GRAMD4: variants seen among roughly 807,000 people sequenced by gnomAD.
GRAMD4 encodes the protein GRAM domain containing 4.
GRAMD4 carries 25 observed loss-of-function variants against 83.9 expected under a neutral mutation model. The ratio of observed to expected loss-of-function variants is 0.30; its 90% confidence interval spans 0.22 to 0.42. GRAMD4 has a LOEUF of 0.42. GRAMD4 is among the 10% of genes least tolerant of loss of function. The pLI, the probability that GRAMD4 is intolerant of heterozygous loss-of-function variation, is 1.00. For synonymous variants in GRAMD4, 336 were observed against 320.9 expected (o/e 1.05, Z -0.50); for missense variants, 593 against 788.7 (o/e 0.75, Z 2.97).
At chr22:46,602,764 T>TTTTC (rs1442869953) in intron 1 of GRAMD4, among the ~76,000 whole-genome samples, 1 of 145,234 alleles carries the variant, frequency 6.9e-6, no homozygotes, top group Non-Finnish European at 1.5e-5. Flanking sequence ...ATTTTTCTCT[T>TTTTC]TTTTTTTTTT....
chr22:46,669,013 G>A, intron 13 of GRAMD4, 105 bp downstream of exon 13: 1 of 680,838 alleles, frequency 1.5e-6, no homozygotes, highest in Admixed American at 2.4e-5. Context: ...AACTCACCTG[G>A]CGATCCTTCC....
At chr22:46,644,521 C>G (rs1409782440) in intron 3 of GRAMD4, among the ~76,000 whole-genome samples, 1 of 151,850 alleles carries the variant, frequency 6.6e-6, no homozygotes, top group Admixed American at 6.6e-5. Flanking sequence ...TGCCCCTGTT[C>G]CGTGTTACAC....
intron 1 of GRAMD4, among the ~76,000 whole-genome samples, chr22:46,582,828 C>T (rs930182661): frequency 6.6e-6 from 1 of 152,238 alleles, no homozygotes; most frequent in Admixed American, 6.5e-5. Context: ...AGTTGTGCAG[C>T]CATCACCACA....
Position 46,666,828 on chromosome 22 carries a change from G to T in GRAMD4, c.813G>T (p.Gly271=), listed in dbSNP as rs746644412. 6.2e-7 allele frequency: 1 copy of T among 1,610,750 alleles called. No individual in the cohort carries two copies. The highest frequency in any genetic ancestry group is 8.5e-7 in the Non-Finnish European group (1 of 1,178,298). The change falls in exon 10 of 19, where the codon GGG becomes GGT. Residue 271 remains glycine, a synonymous_variant. Transcript: ENST00000406902. ...RLSLNYLIAR[G]WRIQWSIVPE... is the part of the protein sequence containing the mutation. The stretch of plus-strand genomic sequence containing the variant: ...GTGTGTGTTTTCTGTTCGCCAGGGG[G>T]TGGCGGATACAGTGGAGCATCGTGC...
intron 1 of GRAMD4, among the ~76,000 whole-genome samples, chr22:46,579,970 G>A (rs1455308091): frequency 2.0e-5 from 3 of 152,154 alleles, no homozygotes; most frequent in Non-Finnish European, 4.4e-5. Flanking sequence ...AAGACACCAG[G>A]GACTGGCTGG....
At chr22:46,655,672 C>G (rs2082232588) in intron 3 of GRAMD4, among the ~76,000 whole-genome samples, 1 of 152,238 alleles carries the variant, frequency 6.6e-6, no homozygotes, top group South Asian at 2.1e-4. Flanking sequence ...GTCAGGGGCC[C>G]TGCAGCTCCT....
At chr22:46,629,648 G>A (rs1172224973) in intron 2 of GRAMD4, among the ~76,000 whole-genome samples, 2 of 152,176 alleles carry the variant, frequency 1.3e-5, no homozygotes, top group South Asian at 2.1e-4. Flanking sequence ...CAGCTTAATC[G>A]AGATATTCCC....
At chr22:46,579,941 C>T (rs1172909165) in intron 1 of GRAMD4, among the ~76,000 whole-genome samples, 2 of 152,046 alleles carry the variant, frequency 1.3e-5, no homozygotes, top group Non-Finnish European at 2.9e-5. Flanking sequence ...TTGGTGTGGG[C>T]GTGTGCTGGC....
intron 1 of GRAMD4, among the ~76,000 whole-genome samples, chr22:46,615,277 G>C (rs1257544990): frequency 1.5e-4 from 1 of 6,888 alleles, no homozygotes; most frequent in Non-Finnish European, 3.1e-4. Flanking sequence ...CTGTGCGTGT[G>C]GGTTCCCCCG....
At chr22:46,615,592 CCCCCGTGTGTAGGTT>C (rs2081472932), upstream of GRAMD4, among the ~76,000 whole-genome samples, 1 of 132,432 alleles carries the variant, frequency 7.6e-6, no homozygotes, top group South Asian at 2.7e-4. Context: ...CGTGTAGGTT[CCCCCGTGTGTAGGTT>C]CCCCGTGCGT....
Position 46,677,302 on chromosome 22 carries a change from C to CTTTTTCT in GRAMD4, c.*56_*57insCTTTTTT. 17 of 1,340,422 alleles carry CTTTTTCT rather than the reference C, an allele frequency of 1.3e-5. No individual in the cohort carries two copies. The highest frequency in any genetic ancestry group is 4.5e-5 in the African/African-American group (3 of 66,170). The allele number at this position is 1,340,422 out of a possible 1,614,324, so 83.0% of individuals were successfully genotyped here. Reference sequence around the variant, plus strand: ...GAATTTTCTTTTTCTTTTTCTTTTTCTTTTTTTTTTTTTACGATTTGGTAG... The same window carrying CTTTTTCT: ...GAATTTTCTTTTTCTTTTTCTTTTTCTTTTTCTTTTTTTTTTTTTTACGATTTGGTAG... On this transcript the variant is annotated 3_prime_UTR_variant, in exon 19 of 19. Transcript: ENST00000406902.
At chr22:46,593,575 A>G (rs1210060054) in intron 1 of GRAMD4, among the ~76,000 whole-genome samples, 1 of 152,100 alleles carries the variant, frequency 6.6e-6, no homozygotes, top group Non-Finnish European at 1.5e-5. Context: ...GTGCTGGGGC[A>G]GCCTTCTAAG....
Position 46,664,106 on chromosome 22 carries a change from A to G in GRAMD4, c.706A>G (p.Ile236Val), listed in dbSNP as rs769302486. The G allele has an allele frequency of 2.5e-6, 4 of 1,605,890 alleles. No homozygotes were observed. The highest frequency in any genetic ancestry group is 1.1e-5 in the South Asian group (1 of 90,986). ...SDWYSVYTSA[I>V]AFTVYMNAVW... ...CTGGTACTCCGTCTACACGTCTGCC[A>G]TTGCCTTCACCGTGAGTGGGTCCTC... Residue 236 changes from isoleucine to valine, a missense_variant, in exon 8 of 19, where the codon ATT (isoleucine) becomes GTT (valine). By Grantham distance (29) the Ile-to-Val change is conservative (BLOSUM62 3). Transcript: ENST00000406902.
In GRAMD4 at chr22:46,679,124, G is replaced by T. The variant is rs904324861; in HGVS notation, c.*1873G>T. 3.0e-6 allele frequency: 3 copies of T among 985,486 alleles called. No individual in the cohort carries two copies. The highest frequency in any genetic ancestry group is 3.6e-6 in the Non-Finnish European group (3 of 829,944). The allele number at this position is 985,486 out of a possible 1,614,324, so 61.0% of individuals were successfully genotyped here. On this transcript the variant is annotated 3_prime_UTR_variant, in exon 19 of 19. Coordinates refer to ENST00000406902, the MANE Select transcript of GRAMD4 (RefSeq NM_015124.5). Reference sequence around the variant, plus strand: ...AGGGGCGGCTGCAGAGGCAGTGCCCGCAGACAATGGCCACACCTCTCTCCC... The same window carrying T: ...AGGGGCGGCTGCAGAGGCAGTGCCCTCAGACAATGGCCACACCTCTCTCCC...
chr22:46,579,628 T>C (rs752899696), intron 1 of GRAMD4, among the ~76,000 whole-genome samples: 8 of 152,172 alleles, frequency 5.3e-5, no homozygotes, highest in Non-Finnish European at 8.8e-5. Context: ...TGATGTGATC[T>C]GTGTTAGTGA....
At chr22:46,643,149 A>T (rs1256928598) in intron 3 of GRAMD4, among the ~76,000 whole-genome samples, 1 of 145,534 alleles carries the variant, frequency 6.9e-6, no homozygotes, top group African/African-American at 2.6e-5. Context: ...CCTTCCATCC[A>T]TCCATCCATC....
chr22:46,605,393 G>A (rs571011274), intron 1 of GRAMD4, among the ~76,000 whole-genome samples: 3 of 152,336 alleles, frequency 2.0e-5, no homozygotes, highest in East Asian at 1.9e-4. Flanking sequence ...TGGCTCTTAC[G>A]AAAAATGCTG....
chr22:46,673,362 T>C (rs1287149976), intron 14 of GRAMD4, among the ~76,000 whole-genome samples: 1 of 152,224 alleles, frequency 6.6e-6, no homozygotes, highest in African/African-American at 2.4e-5. Context: ...CACTGGGCCA[T>C]ATTTCATTCA....
At chr22:46,576,221 C>CCGGTTCT (rs1300352433), upstream of GRAMD4, 3 of 152,496 alleles carry the variant, frequency 2.0e-5, no homozygotes, top group Non-Finnish European at 4.4e-5. Flanking sequence ...TTTCTCCACT[C>CCGGTTCT]CGGTTCTCCT....
Sources: allele counts gnomAD v4.1 joint callset (sites outside exome capture counted in the v4.1 genomes callset), GRCh38; gene constraint gnomAD v4.1.1; transcripts MANE v1.5; gene names NCBI Gene and HGNC (gene_info 2026-07-23, HGNC 2026-07-21).